RXFP2: variants seen among roughly 807,000 people sequenced by gnomAD.
RXFP2 encodes the protein relaxin family peptide receptor 2.
In RXFP2, 68 loss-of-function variants were observed where a neutral mutation model predicts 88.6. The observed-to-expected ratio is 0.77, with a 90% CI of 0.63 to 0.94. The LOEUF (loss-of-function observed/expected upper bound fraction) is 0.94, where lower values mean the gene tolerates loss of function less well. Ranked by LOEUF, RXFP2 falls within the 40% of genes least tolerant of loss-of-function variation. The pLI, the probability that RXFP2 is intolerant of heterozygous loss-of-function variation, is 0.00. For missense variants in RXFP2, 791 were observed against 893.9 expected (o/e 0.88, Z 1.47); for synonymous variants, 329 against 306.8 (o/e 1.07, Z -0.76).
intron 3 of RXFP2, among the ~76,000 whole-genome samples, 173 bp downstream of exon 3, chr13:31,761,974 A>G (rs1566220025): frequency 6.6e-6 from 1 of 152,234 alleles, no homozygotes; most frequent in Non-Finnish European, 1.5e-5. Flanking sequence ...TAGAAAAAGA[A>G]AACGACCATC....
At chr13:31,739,856 G>T in intron 1 of RXFP2, 150 bp downstream of exon 1, 2 of 671,234 alleles carry the variant, frequency 3.0e-6, no homozygotes, top group South Asian at 3.3e-5. Flanking sequence ...ATCTTTCATT[G>T]CTTGTAGTCC....
chr13:31,772,821 T>C (rs193104326), intron 5 of RXFP2, among the ~76,000 whole-genome samples: 1 of 152,348 alleles, frequency 6.6e-6, no homozygotes, highest in African/African-American at 2.4e-5. Flanking sequence ...TTTTACTCTT[T>C]CTTTCCCTTG....
intron 3 of RXFP2, among the ~76,000 whole-genome samples, chr13:31,762,301 G>A (rs1872336053): frequency 6.6e-6 from 1 of 152,246 alleles, no homozygotes; most frequent in South Asian, 2.1e-4. Flanking sequence ...AAGATTCCCA[G>A]AGAGGATAAC....
intron 16 of RXFP2, among the ~76,000 whole-genome samples, chr13:31,793,788 A>T (rs533868237): frequency 5.2e-4 from 79 of 152,114 alleles, no homozygotes; most frequent in Middle Eastern, 6.8e-3. Flanking sequence ...TCTCTCTTCT[A>T]ATCTTTTCTT....
Position 31,766,042 on chromosome 13 carries a change from A to G in RXFP2, c.497+15A>G. On this transcript the variant is annotated intron_variant, in intron 5 of 17. Coordinates refer to ENST00000298386, the MANE Select transcript of RXFP2 (RefSeq NM_130806.5). ...CTTAAAAAGATGTAAGTAGCCGTTA[A>G]TAGCATATTTATTTAAAAAAAATCC... 2 of 1,239,044 alleles carry G rather than the reference A, an allele frequency of 1.6e-6. No homozygotes were observed. The highest frequency in any genetic ancestry group is 2.3e-6 in the Non-Finnish European group (2 of 873,312). The allele number at this position is 1,239,044 out of a possible 1,614,324, so 76.8% of individuals were successfully genotyped here. A position where few individuals can be genotyped will look rare whatever the true frequency, so the allele number is the denominator to read the frequency against.
intron 17 of RXFP2, among the ~76,000 whole-genome samples, chr13:31,801,535 A>G (rs1593476946): frequency 6.6e-6 from 1 of 152,288 alleles, no homozygotes; most frequent in East Asian, 1.9e-4. Context: ...GAAGGACACT[A>G]TCATTCCAAA....
intron 16 of RXFP2, 79 bp from the exon 17 acceptor site, chr13:31,797,121 AG>A (rs1874086822): frequency 1.0e-6 from 1 of 971,962 alleles, no homozygotes; most frequent in Non-Finnish European, 1.7e-6. Flanking sequence ...ATTTTGGGTA[AG>A]GGATACTCAA....
chr13:31,756,800 T>C lies in RXFP2; in HGVS notation c.95-1458T>C, dbSNP rs1389565552. 2.6e-5 allele frequency among the ~76,000 whole-genome samples: 4 copies of C among 152,156 alleles called. 1 individual carries two copies. In the South Asian group the frequency reaches 6.2e-4, roughly 24 times the overall value. On this transcript the variant is annotated intron_variant, in intron 1 of 17. Transcript: ENST00000298386. ...CATGCCTGACTAATTTTTGTATTTT[T>C]AGTAGAGATAGGGTTTCACCATGTT...
At chr13:31,797,623 A>G (rs988877660) in intron 17 of RXFP2, among the ~76,000 whole-genome samples, 3 of 152,240 alleles carry the variant, frequency 2.0e-5, no homozygotes, top group African/African-American at 7.2e-5. Context: ...AGCAGGAGCT[A>G]CAGAGAAACT....
intron 5 of RXFP2, among the ~76,000 whole-genome samples, chr13:31,773,817 G>A (rs1414131390): frequency 6.6e-6 from 1 of 152,128 alleles, no homozygotes; most frequent in African/African-American, 2.4e-5. Flanking sequence ...TAATAGTTTA[G>A]GAAGCAATTC....
At chr13:31,759,414 A>AAAGAAAGAAAGAAAGAAAGAAAGAAAG (rs1566218491) in intron 2 of RXFP2, among the ~76,000 whole-genome samples, 38 of 150,622 alleles carry the variant, frequency 2.5e-4, no homozygotes, top group East Asian at 3.9e-4. Flanking sequence ...AGAAAGAAAG[A>AAAGAAAGAAAGAAAGAAAGAAAGAAAG]AAGAAAGAAA....
chr13:31,750,482 T>C (rs1871618609), intron 1 of RXFP2, among the ~76,000 whole-genome samples: 1 of 152,160 alleles, frequency 6.6e-6, no homozygotes, highest in Admixed American at 6.5e-5. Flanking sequence ...TTTTGACAGG[T>C]TTCTCTAAAT....
chr13:31,777,663 C>T (rs2138434520), intron 8 of RXFP2, among the ~76,000 whole-genome samples: 1 of 152,240 alleles, frequency 6.6e-6, no homozygotes, highest in Non-Finnish European at 1.5e-5. Flanking sequence ...TATTTTAAGC[C>T]TACTAGTTGA....
chr13:31,776,061 C>CTTCTTTCTTTCTTTCTTTCT (rs10648579), intron 7 of RXFP2, among the ~76,000 whole-genome samples: 123 of 103,858 alleles, frequency 1.2e-3, no homozygotes, highest in African/African-American at 4.7e-3. Context: ...TTTCTTTCTT[C>CTTCTTTCTTTCTTTCTTTCT]TTCTTTCTTT....
At position 31,803,344 on chromosome 13, in the gene RXFP2, T is replaced by A. The variant is rs1387836769; in HGVS notation, c.*939T>A. On this transcript the variant is annotated 3_prime_UTR_variant, in exon 18 of 18. Coordinates refer to ENST00000298386, the MANE Select transcript of RXFP2 (RefSeq NM_130806.5). The stretch of plus-strand genomic sequence containing the variant: ...TTTTTGAAAACGAAACTGAAAAAAA[T>A]TATATGTGAAAATGAGAACTGGGTA... 1 of 152,110 alleles carries A rather than the reference T, an allele frequency of 6.6e-6. No individual in the cohort carries two copies. Among genetic ancestry groups the A allele is most frequent in the Non-Finnish European group, 1.5e-5 (1 of 68,010 alleles). The allele number at this position is 152,110 out of a possible 1,614,324, so 9.4% of individuals were successfully genotyped here.
chr13:31,748,768 C>T (rs1333227703), intron 1 of RXFP2, among the ~76,000 whole-genome samples: 5 of 152,132 alleles, frequency 3.3e-5, no homozygotes, highest in African/African-American at 7.2e-5. Flanking sequence ...GGGCAGATCA[C>T]GAGGTCAGGA....
At chr13:31,767,044 T>C (rs1458190709) in intron 5 of RXFP2, among the ~76,000 whole-genome samples, 10 of 152,148 alleles carry the variant, frequency 6.6e-5, no homozygotes, top group African/African-American at 2.4e-4. Context: ...ATATCCAGCA[T>C]AGAGGAGAAA....
intron 2 of RXFP2, among the ~76,000 whole-genome samples, chr13:31,760,188 A>C (rs1216242387): frequency 6.6e-6 from 1 of 152,084 alleles, no homozygotes; most frequent in Non-Finnish European, 1.5e-5. Flanking sequence ...TCCTGGGTTC[A>C]AGTGATTCTC....
intron 17 of RXFP2, among the ~76,000 whole-genome samples, chr13:31,798,614 C>T (rs1874170971): frequency 6.6e-6 from 1 of 152,166 alleles, no homozygotes; most frequent in African/African-American, 2.4e-5. Context: ...TCAAATTCAG[C>T]AGGACAAAAG....
Sources: allele counts gnomAD v4.1 joint callset (sites outside exome capture counted in the v4.1 genomes callset), GRCh38; gene constraint gnomAD v4.1.1; transcripts MANE v1.5; gene names NCBI Gene and HGNC (gene_info 2026-07-23, HGNC 2026-07-21).